ZFAT: variants seen among roughly 807,000 people sequenced by gnomAD.
The protein encoded by ZFAT is zinc finger protein ZFAT.
ZFAT carries 64 observed loss-of-function variants against 117.7 expected under a neutral mutation model. The ratio of observed to expected loss-of-function variants is 0.54; its 90% confidence interval spans 0.44 to 0.67. ZFAT has a LOEUF of 0.67. ZFAT is among the 30% of genes least tolerant of loss of function. The probability of loss-of-function intolerance (pLI) is 0.00; values close to 1 mark genes in which losing one functional copy is unlikely to be tolerated. For synonymous variants in ZFAT, 679 were observed against 615.0 expected (o/e 1.10, Z -1.54); for missense variants, 1,433 against 1,584.5 (o/e 0.90, Z 1.62).
intron 1 of ZFAT, among the ~76,000 whole-genome samples, chr8:134,694,242 CAG>C (rs1833722777): frequency 6.6e-6 from 1 of 152,218 alleles, no homozygotes; most frequent in African/African-American, 2.4e-5. Flanking sequence ...CTGGGACAAT[CAG>C]TGACATCTCA....
chr8:134,639,478 A>T (rs900203730), intron 2 of ZFAT, among the ~76,000 whole-genome samples: 1 of 152,088 alleles, frequency 6.6e-6, no homozygotes, highest in Non-Finnish European at 1.5e-5. Context: ...CACAAAGAAG[A>T]AGAAGGTACT....
At chr8:134,565,884 A>G (rs557024432) in intron 10 of ZFAT, among the ~76,000 whole-genome samples, 1 of 152,274 alleles carries the variant, frequency 6.6e-6, no homozygotes, top group African/African-American at 2.4e-5. Flanking sequence ...TCAAGAGCTG[A>G]GCCAGAGAGG....
Position 134,645,371 on chromosome 8 carries a change from T to C in ZFAT, c.197-7659A>G, listed in dbSNP as rs903900660. Among the ~76,000 whole-genome samples the C allele has an allele frequency of 1.2e-4, 18 of 152,280 alleles. No individual in the cohort carries two copies. In the East Asian group the frequency reaches 3.3e-3, roughly 28 times the overall value. On this transcript the variant is annotated intron_variant, in intron 2 of 15. Coordinates refer to ENST00000377838, the MANE Select transcript of ZFAT (RefSeq NM_020863.4). ...TTTCACAAAGAGAAAAAGAAAGACT[T>C]GAAGTTCATAATGAAAGACTTTTTA... is the stretch of plus-strand genomic sequence containing the variant.
chr8:134,823,409 A>C, the ZFAT span, among the ~76,000 whole-genome samples: 3 of 152,226 alleles, frequency 2.0e-5, no homozygotes, highest in Non-Finnish European at 2.9e-5. Flanking sequence ...ACATGTATTG[A>C]GTATTTTCTG....
the ZFAT span, among the ~76,000 whole-genome samples, chr8:134,828,826 C>A: frequency 2.7e-3 from 412 of 152,272 alleles, 2 homozygotes; most frequent in African/African-American, 9.4e-3. Flanking sequence ...TGTTCTTTTA[C>A]CAAAATAGCA....
chr8:134,500,849 C>G (rs1249184538), intron 15 of ZFAT, among the ~76,000 whole-genome samples: 1 of 152,198 alleles, frequency 6.6e-6, no homozygotes, highest in Admixed American at 6.5e-5. Flanking sequence ...CATTCCGCAA[C>G]AACAGAAAGA....
At chr8:134,523,168 C>G (rs1182591424) in intron 12 of ZFAT, among the ~76,000 whole-genome samples, 1 of 152,150 alleles carries the variant, frequency 6.6e-6, no homozygotes, top group African/African-American at 2.4e-5. Flanking sequence ...GTGCAAGTAC[C>G]ACTCCACTGA....
intron 15 of ZFAT, among the ~76,000 whole-genome samples, chr8:134,502,259 AAGTCCCTTCTGC>A (rs1470628886): frequency 2.6e-5 from 4 of 152,176 alleles, no homozygotes; most frequent in African/African-American, 9.6e-5. Flanking sequence ...TGCACTTGAG[AAGTCCCTTCTGC>A]AGAGCGGCTT....
At chr8:134,788,368 C>A in the ZFAT span, among the ~76,000 whole-genome samples, 11 of 151,872 alleles carry the variant, frequency 7.2e-5, no homozygotes, top group African/African-American at 2.4e-4. Context: ...ATTCTTTGAC[C>A]CAGGGACTAT....
chr8:134,819,496 A>ACCCCCCCCCCCCCCCCCCC, the ZFAT span, among the ~76,000 whole-genome samples: 9 of 39,334 alleles, frequency 2.3e-4, no homozygotes, highest in Non-Finnish European at 3.3e-4. Flanking sequence ...CGGATTTACC[A>ACCCCCCCCCCCCCCCCCCC]CCCCCCCCCC....
chr8:134,653,155 G>GTTT (rs139144295), intron 2 of ZFAT, among the ~76,000 whole-genome samples: 1 of 144,508 alleles, frequency 6.9e-6, no homozygotes, highest in African/African-American at 2.5e-5. Flanking sequence ...TTTTGGTGGG[G>GTTT]TTTTTTTTTT....
At chr8:134,733,116 A>G in the ZFAT span, among the ~76,000 whole-genome samples, 67,206 of 152,000 alleles carry the variant, frequency 0.44, 15,657 homozygotes, top group African/African-American at 0.61. Flanking sequence ...CTGTAATCCT[A>G]AAACTGCTCC....
the ZFAT span, among the ~76,000 whole-genome samples, chr8:134,733,279 A>G: frequency 6.6e-6 from 1 of 152,230 alleles, no homozygotes; most frequent in Non-Finnish European, 1.5e-5. Context: ...GAAGAAGCAC[A>G]GCTTCTCAAG....
chr8:134,565,257 G>A, intron 11 of ZFAT, 76 bp downstream of exon 11: 1 of 1,601,166 alleles, frequency 6.2e-7, no homozygotes, highest in Non-Finnish European at 8.5e-7. Flanking sequence ...ATGAAAGAAT[G>A]CTCTCTCCAT....
chr8:134,649,351 T>TC (rs1163568272), intron 2 of ZFAT, among the ~76,000 whole-genome samples: 16 of 152,014 alleles, frequency 1.1e-4, no homozygotes, highest in Admixed American at 3.3e-4. Context: ...AGAATCCAGA[T>TC]TAGAAAGGAA....
intron 13 of ZFAT, among the ~76,000 whole-genome samples, chr8:134,518,927 C>A (rs1820437038): frequency 6.6e-6 from 1 of 152,148 alleles, no homozygotes; most frequent in Non-Finnish European, 1.5e-5. Flanking sequence ...CAACTTGAGA[C>A]ACCATCTTTA....
At chr8:134,788,421 C>G in the ZFAT span, among the ~76,000 whole-genome samples, 4 of 152,084 alleles carry the variant, frequency 2.6e-5, no homozygotes, top group Non-Finnish European at 5.9e-5. Flanking sequence ...GCGGGTTTCT[C>G]TAATCATCTT....
chr8:134,712,908 G>T lies in ZFAT; in HGVS notation c.-45C>A. ...GGAAAAAAAAGCCTCGGGCTCTTCC[G>T]GGCCCCCTCCCGTGCCGACCGAGGG... On this transcript the variant is annotated 5_prime_UTR_variant, in exon 1 of 16. Transcript: ENST00000377838. 1.4e-6 allele frequency: 2 copies of T among 1,460,238 alleles called. No homozygotes were observed. The highest frequency in any genetic ancestry group is 2.6e-5 in the South Asian group (2 of 77,564). The allele number at this position is 1,460,238 out of a possible 1,614,324, so 90.5% of individuals were successfully genotyped here. A position where few individuals can be genotyped will look rare whatever the true frequency, so the allele number is the denominator to read the frequency against.
chr8:134,550,010 G>A (rs1823009814), intron 11 of ZFAT, among the ~76,000 whole-genome samples: 1 of 152,180 alleles, frequency 6.6e-6, no homozygotes, highest in East Asian at 1.9e-4. Flanking sequence ...ATGTAAAGAA[G>A]TTTGTACTAA....
Sources: gnomAD v4.1 joint callset for allele counts (sites outside exome capture counted in the v4.1 genomes callset) on GRCh38, gnomAD v4.1.1 for gene constraint, MANE v1.5 for transcripts, NCBI Gene and HGNC (gene_info 2026-07-23, HGNC 2026-07-21) for gene names.